The following PATJ variants were observed in gnomAD, a reference collection of about 807,000 sequenced individuals.
PATJ encodes the protein inaD-like protein.
PATJ carries 190 observed loss-of-function variants against 224.9 expected under a neutral mutation model. That is an observed-to-expected ratio of 0.84 (90% CI 0.75 to 0.95). PATJ has a LOEUF of 0.95. Ranked by LOEUF, PATJ falls within the 40% of genes least tolerant of loss-of-function variation. PATJ has a pLI of 0.00. For missense variants in PATJ, 2,121 were observed against 2,270.3 expected, an observed-to-expected ratio of 0.93 and a Z score of 1.34; for synonymous variants, 769 against 820.3, an observed-to-expected ratio of 0.94 and a Z score of 1.07.
intron 33 of PATJ, among the ~76,000 whole-genome samples, chr1:62,096,123 G>A (rs546907909): frequency 2.2e-4 from 33 of 152,212 alleles, no homozygotes; most frequent in African/African-American, 7.5e-4. Flanking sequence ...CACAAAAAGG[G>A]TTCTTGTTTA....
intron 30 of PATJ, among the ~76,000 whole-genome samples, chr1:62,048,545 CAAAAAAAAAAA>C (rs773157635): frequency 1.5e-5 from 1 of 66,166 alleles, no homozygotes; most frequent in Non-Finnish European, 3.2e-5. Flanking sequence ...GACTCTGTCT[CAAAAAAAAAAA>C]AAAAAAAAAA....
chr1:61,772,028 A>C (rs943142695), intron 6 of PATJ, among the ~76,000 whole-genome samples: 2 of 150,882 alleles, frequency 1.3e-5, no homozygotes, highest in East Asian at 2.0e-4. Flanking sequence ...GGCCCGTTTT[A>C]CTTTTCATGG....
At chr1:61,878,152 C>T (rs1667590424) in intron 21 of PATJ, among the ~76,000 whole-genome samples, 2 of 152,172 alleles carry the variant, frequency 1.3e-5, no homozygotes, top group African/African-American at 4.8e-5. Flanking sequence ...CTGGATGGGA[C>T]ATAGAGAACC....
chr1:61,931,228 T>C (rs946419451), intron 27 of PATJ, among the ~76,000 whole-genome samples: 1 of 152,232 alleles, frequency 6.6e-6, no homozygotes, highest in Non-Finnish European at 1.5e-5. Flanking sequence ...TGGGAGACAC[T>C]GTTCTAGGTG....
intron 24 of PATJ, among the ~76,000 whole-genome samples, chr1:61,907,690 C>A (rs2149197322): frequency 6.6e-6 from 1 of 152,302 alleles, no homozygotes; most frequent in East Asian, 1.9e-4. Flanking sequence ...AACATCCCAG[C>A]ATTTACCAAG....
intron 39 of PATJ, 24 bp downstream of exon 39, chr1:62,123,082 G>A (rs1367612046): frequency 3.8e-6 from 6 of 1,566,866 alleles, no homozygotes; most frequent in Non-Finnish European, 5.2e-6. Context: ...TTTGCTGTAT[G>A]TATTTTTCTG....
intron 19 of PATJ, among the ~76,000 whole-genome samples, chr1:61,862,795 T>C (rs994173915): frequency 1.3e-5 from 2 of 152,184 alleles, no homozygotes; most frequent in South Asian, 4.1e-4. Context: ...AAAGGAATTA[T>C]ACTTATGTTG....
chr1:61,841,376 T>G (rs1426319720), intron 17 of PATJ, among the ~76,000 whole-genome samples: 1 of 152,166 alleles, frequency 6.6e-6, no homozygotes, highest in African/African-American at 2.4e-5. Flanking sequence ...GCTAATCAGT[T>G]TACAGAATGT....
chr1:61,820,223 G>A (rs1357773774), intron 14 of PATJ, among the ~76,000 whole-genome samples: 2 of 151,726 alleles, frequency 1.3e-5, no homozygotes, highest in African/African-American at 4.8e-5. Flanking sequence ...TATATTTTTA[G>A]TAGAGACAGG....
At chr1:62,063,180 T>G (rs1026573706) in intron 31 of PATJ, among the ~76,000 whole-genome samples, 3 of 152,212 alleles carry the variant, frequency 2.0e-5, no homozygotes, top group African/African-American at 7.2e-5. Context: ...TTAACTTTTA[T>G]GTATGGTACT....
At chr1:62,101,410 G>A (rs563974064) in intron 33 of PATJ, among the ~76,000 whole-genome samples, 3 of 151,816 alleles carry the variant, frequency 2.0e-5, no homozygotes, top group African/African-American at 7.2e-5. Context: ...CTACAGGCAC[G>A]CACTATCACG....
At chr1:61,944,151 T>C (rs1430788837) in intron 27 of PATJ, among the ~76,000 whole-genome samples, 2 of 152,106 alleles carry the variant, frequency 1.3e-5, no homozygotes, top group East Asian at 3.9e-4. Flanking sequence ...ATTCTAAAAA[T>C]CAGACCGCCT....
chr1:61,974,106 C>A (rs1202671438), intron 27 of PATJ, among the ~76,000 whole-genome samples: 1 of 151,730 alleles, frequency 6.6e-6, no homozygotes, highest in Non-Finnish European at 1.5e-5. Context: ...TTCTGGTGAT[C>A]CTGGGACCAC....
chr1:61,814,547 T>TGTGTGTGTGTGTGTGCGCGCGC (rs370488022), intron 14 of PATJ, among the ~76,000 whole-genome samples: 5 of 142,494 alleles, frequency 3.5e-5, no homozygotes, highest in African/African-American at 1.1e-4. Flanking sequence ...TGTGTGTGTG[T>TGTGTGTGTGTGTGTGCGCGCGC]GCGCGCGCGC....
chr1:61,742,691 C>A (rs1027414024), intron 1 of PATJ, 136 bp downstream of exon 1: 4 of 151,710 alleles, frequency 2.6e-5, no homozygotes, highest in African/African-American at 9.7e-5. Context: ...CGCCCGCCCG[C>A]CTGGAGTGGG....
At chr1:61,814,270 A>G (rs1468011347) in intron 14 of PATJ, among the ~76,000 whole-genome samples, 8 of 150,840 alleles carry the variant, frequency 5.3e-5, no homozygotes, top group Non-Finnish European at 1.0e-4. Context: ...CAGCCTCCCG[A>G]GTAGCTGGGA....
intron 31 of PATJ, among the ~76,000 whole-genome samples, chr1:62,075,782 G>C (rs1423460303): frequency 1.3e-5 from 2 of 152,074 alleles, no homozygotes; most frequent in Non-Finnish European, 2.9e-5. Flanking sequence ...GCCAGGCGTG[G>C]TGGTGGGTGC....
chr1:62,136,455 A>G (rs1199174423), intron 41 of PATJ, among the ~76,000 whole-genome samples: 3 of 151,932 alleles, frequency 2.0e-5, no homozygotes, highest in Non-Finnish European at 4.4e-5. Context: ...AAGTTACACC[A>G]AAGGCCAGGC....
At chr1:61,944,611 G>C (rs901770874) in intron 27 of PATJ, among the ~76,000 whole-genome samples, 5 of 152,204 alleles carry the variant, frequency 3.3e-5, no homozygotes. Flanking sequence ...TGGTGTACCT[G>C]AAAGTGACAG....
Sources: gnomAD v4.1 joint callset for allele counts (sites outside exome capture counted in the v4.1 genomes callset) on GRCh38, gnomAD v4.1.1 for gene constraint, MANE v1.5 for transcripts, NCBI Gene and HGNC (gene_info 2026-07-23, HGNC 2026-07-21) for gene names.